The following IL1RAPL2 variants were observed in gnomAD, a reference collection of about 807,000 sequenced individuals.
The protein encoded by IL1RAPL2 is interleukin 1 receptor accessory protein like 2.
In IL1RAPL2, 3 loss-of-function variants were observed where a neutral mutation model predicts 44.1. The ratio of observed to expected loss-of-function variants is 0.07; its 90% CI spans 0.03 to 0.18. The LOEUF (loss-of-function observed/expected upper bound fraction) is 0.18. Among genes scored for constraint, IL1RAPL2 ranks in the 10% least tolerant of loss-of-function variants. IL1RAPL2 has a pLI of 1.00. For missense variants in IL1RAPL2, 391 were observed against 496.4 expected, an observed-to-expected ratio of 0.79 and a Z score of 2.02; for synonymous variants, 181 against 178.8, an observed-to-expected ratio of 1.01 and a Z score of -0.10.
chrX:104,590,412 A>C (rs559069344), intron 1 of IL1RAPL2, among the ~76,000 whole-genome samples: 14 of 111,724 alleles, frequency 1.3e-4, no homozygotes, highest in African/African-American at 3.9e-4. Context: ...ATGATTTTTG[A>C]TGACATTCTT....
chrX:104,691,278 G>C (rs1931088177), intron 2 of IL1RAPL2, among the ~76,000 whole-genome samples: 1 of 111,580 alleles, frequency 9.0e-6, no homozygotes, highest in African/African-American at 3.3e-5. Flanking sequence ...CCCTCATCCT[G>C]TCTCTGTTAG....
chrX:104,740,954 C>T (rs1007263267), intron 2 of IL1RAPL2, among the ~76,000 whole-genome samples: 2 of 111,317 alleles, frequency 1.8e-5, no homozygotes, highest in Non-Finnish European at 3.8e-5. Context: ...TTATCTAGAA[C>T]TCCAGTCTAC....
chrX:105,700,647 C>G (rs2038112267), intron 6 of IL1RAPL2, among the ~76,000 whole-genome samples: 1 of 110,827 alleles, frequency 9.0e-6, no homozygotes, highest in Non-Finnish European at 1.9e-5. Flanking sequence ...TTGTTTTAAA[C>G]ATGTCATTAA....
chrX:105,039,680 T>C (rs1287949200), intron 2 of IL1RAPL2, among the ~76,000 whole-genome samples: 1 of 107,964 alleles, frequency 9.3e-6, no homozygotes, highest in African/African-American at 3.3e-5. Flanking sequence ...TTTGGATCTC[T>C]ATCTGTTATC....
chrX:104,612,137 C>T (rs933623189), intron 1 of IL1RAPL2, among the ~76,000 whole-genome samples: 18 of 111,660 alleles, frequency 1.6e-4, no homozygotes, highest in African/African-American at 1.9e-4. Flanking sequence ...ATAGGTAGGT[C>T]GTCTGTTTAT....
intron 6 of IL1RAPL2, among the ~76,000 whole-genome samples, chrX:105,666,053 C>T (rs935114529): frequency 9.6e-6 from 1 of 103,951 alleles, no homozygotes; most frequent in Non-Finnish European, 1.9e-5. Context: ...TGAGCCACCG[C>T]GCCCGGCCGT....
At chrX:105,305,464 A>G (rs896742748) in intron 5 of IL1RAPL2, among the ~76,000 whole-genome samples, 2 of 108,636 alleles carry the variant, frequency 1.8e-5, no homozygotes, top group Admixed American at 9.9e-5. Flanking sequence ...TTTTCTCTCT[A>G]TGTCCCTTCA....
At chrX:104,911,125 C>T (rs1924224153) in intron 2 of IL1RAPL2, among the ~76,000 whole-genome samples, 1 of 111,553 alleles carries the variant, frequency 9.0e-6, no homozygotes, top group East Asian at 2.8e-4. Flanking sequence ...TAAGCTTAAG[C>T]ATATTGAATT....
At chrX:105,447,466 T>G (rs2035974899) in intron 5 of IL1RAPL2, among the ~76,000 whole-genome samples, 1 of 72,704 alleles carries the variant, frequency 1.4e-5, no homozygotes, top group Non-Finnish European at 2.3e-5. Flanking sequence ...AACATAAATA[T>G]AAATATAAAT....
intron 6 of IL1RAPL2, among the ~76,000 whole-genome samples, chrX:105,569,573 A>G (rs1390297130): frequency 8.9e-6 from 1 of 111,744 alleles, no homozygotes; most frequent in Non-Finnish European, 1.9e-5. Context: ...CTGTAGTGAT[A>G]TGGAAGCATA....
chrX:105,332,741 A>C, intron 5 of IL1RAPL2, among the ~76,000 whole-genome samples: 1 of 112,044 alleles, frequency 8.9e-6, no homozygotes, highest in South Asian at 3.6e-4. Context: ...CTGGAAAATA[A>C]ATTTTAAAAA....
chrX:105,715,199 G>A (rs745942526), intron 6 of IL1RAPL2, among the ~76,000 whole-genome samples: 20 of 111,798 alleles, frequency 1.8e-4, no homozygotes, highest in Non-Finnish European at 3.8e-4. Flanking sequence ...GCAGCAGGAA[G>A]GTGATTAGTT....
At chrX:105,242,753 CCA>C (rs2034182315) in intron 4 of IL1RAPL2, among the ~76,000 whole-genome samples, 1 of 111,432 alleles carries the variant, frequency 9.0e-6, no homozygotes, top group Non-Finnish European at 1.9e-5. Context: ...CATGAAAGTT[CCA>C]TCAAGAGAAG....
intron 2 of IL1RAPL2, among the ~76,000 whole-genome samples, chrX:104,827,987 GTTC>G (rs1921502229): frequency 9.0e-6 from 1 of 111,731 alleles, no homozygotes; most frequent in South Asian, 3.8e-4. Flanking sequence ...GGTCATTTAT[GTTC>G]TTCTCTAAAC....
chrX:105,079,369 C>T (rs948943146), intron 2 of IL1RAPL2, among the ~76,000 whole-genome samples: 12 of 108,780 alleles, frequency 1.1e-4, no homozygotes, highest in African/African-American at 4.0e-4. Flanking sequence ...CAGAGAGACA[C>T]ATATGTTTAT....
At chrX:104,843,066 C>A (rs1226565584) in intron 2 of IL1RAPL2, among the ~76,000 whole-genome samples, 1 of 111,893 alleles carries the variant, frequency 8.9e-6, no homozygotes, top group Non-Finnish European at 1.9e-5. Flanking sequence ...CTATAAGCAC[C>A]TGACTGGGGC....
chrX:105,304,010 G>A (rs1052748441), intron 5 of IL1RAPL2, among the ~76,000 whole-genome samples: 2 of 112,831 alleles, frequency 1.8e-5, no homozygotes, highest in Non-Finnish European at 3.7e-5. Context: ...AGCAAGTGAG[G>A]CTCCAGGGAC....
intron 5 of IL1RAPL2, among the ~76,000 whole-genome samples, chrX:105,337,564 G>C (rs990858040): frequency 1.8e-5 from 2 of 112,029 alleles, no homozygotes; most frequent in East Asian, 2.8e-4. Context: ...ACAAATGAAG[G>C]GGGGAGGGCC....
At chrX:105,620,483 C>T (rs779981310) in intron 6 of IL1RAPL2, among the ~76,000 whole-genome samples, 1 of 110,671 alleles carries the variant, frequency 9.0e-6, no homozygotes, top group African/African-American at 3.3e-5. Context: ...TATGGCTTAT[C>T]TCATTCTAAT....
Sources: allele counts gnomAD v4.1 joint callset (sites outside exome capture counted in the v4.1 genomes callset), GRCh38; gene constraint gnomAD v4.1.1; transcripts MANE v1.5; gene names NCBI Gene and HGNC (gene_info 2026-07-23, HGNC 2026-07-21).